APBB2: variants seen among roughly 807,000 people sequenced by gnomAD.
APBB2 encodes the protein Fe65-like 1.
APBB2 carries 38 observed loss-of-function variants against 82.5 expected under a neutral mutation model. The ratio of observed to expected loss-of-function variants is 0.46; its 90% CI spans 0.36 to 0.60. APBB2 has a LOEUF of 0.60. Ranked by LOEUF, APBB2 falls within the 20% of genes least tolerant of loss-of-function variation. The pLI is 0.00. For synonymous variants in APBB2, 341 were observed against 368.2 expected, an observed-to-expected ratio of 0.93 and a Z score of 0.85; for missense variants, 772 against 972.3, an observed-to-expected ratio of 0.79 and a Z score of 2.74.
At chr4:41,010,988 A>C (rs1400870903) in intron 6 of APBB2, among the ~76,000 whole-genome samples, 1 of 152,080 alleles carries the variant, frequency 6.6e-6, no homozygotes, top group Non-Finnish European at 1.5e-5. Flanking sequence ...TGGAGAAAAT[A>C]CCATACACAA....
At chr4:41,081,865 A>G (rs1402726470) in intron 3 of APBB2, among the ~76,000 whole-genome samples, 3 of 152,268 alleles carry the variant, frequency 2.0e-5, no homozygotes, top group Non-Finnish European at 4.4e-5. Context: ...TAAGGAAAGT[A>G]TAAATTGGTG....
intron 12 of APBB2, among the ~76,000 whole-genome samples, chr4:40,874,517 G>GC (rs1400134674): frequency 4.6e-5 from 7 of 152,040 alleles, no homozygotes; most frequent in African/African-American, 9.7e-5. Context: ...CGGGGGCAGG[G>GC]CGGGGGGTGG....
intron 3 of APBB2, among the ~76,000 whole-genome samples, chr4:41,076,301 G>A (rs1189424613): frequency 6.6e-6 from 1 of 152,168 alleles, no homozygotes; most frequent in Admixed American, 6.5e-5. Flanking sequence ...AAAACTGGGG[G>A]ATGGCTTGCA....
intron 6 of APBB2, among the ~76,000 whole-genome samples, chr4:40,992,199 G>A (rs1802305512): frequency 6.6e-6 from 1 of 152,100 alleles, no homozygotes; most frequent in African/African-American, 2.4e-5. Flanking sequence ...AAGAGACAGG[G>A]TCTCACTCTG....
chr4:41,189,843 T>C (rs1287550816), intron 1 of APBB2, among the ~76,000 whole-genome samples: 1 of 152,214 alleles, frequency 6.6e-6, no homozygotes, highest in Non-Finnish European at 1.5e-5. Context: ...TTCTCCACGA[T>C]AACACTTACT....
intron 6 of APBB2, among the ~76,000 whole-genome samples, chr4:40,984,109 G>A (rs777341236): frequency 1.7e-4 from 26 of 152,198 alleles, no homozygotes; most frequent in Non-Finnish European, 3.1e-4. Flanking sequence ...AACTACCTGT[G>A]CAAGGGATGG....
chr4:40,902,575 C>A (rs1273461907), intron 10 of APBB2, among the ~76,000 whole-genome samples: 1 of 152,066 alleles, frequency 6.6e-6, no homozygotes, highest in African/African-American at 2.4e-5. Context: ...ACTCTGTCAC[C>A]CAGGTTGGAG....
At chr4:40,995,826 G>A (rs10440197) in intron 6 of APBB2, among the ~76,000 whole-genome samples, 30,699 of 151,696 alleles carry the variant, frequency 0.2, 3,517 homozygotes, top group Non-Finnish European at 0.26. Context: ...GTGAGCCACC[G>A]TGCCAGCCCT....
chr4:40,880,375 C>T (rs1768130953), intron 12 of APBB2: 1 of 985,426 alleles, frequency 1.0e-6, no homozygotes, highest in Non-Finnish European at 1.2e-6. Context: ...AGGATGATGA[C>T]ATTTGAGTAA....
chr4:41,062,163 T>A lies in APBB2; in HGVS notation c.-51+3413A>T, dbSNP rs1467427660. On this transcript the variant is annotated intron_variant, in intron 4 of 17. Coordinates refer to ENST00000508593, the MANE Select transcript of APBB2 (RefSeq NM_004307.2). Reference sequence around the variant, plus strand: ...GAGGTTTCAACAAGCAAATCTTATTTATTTATTTATTTATTTATTTATTTA... The same window carrying A: ...GAGGTTTCAACAAGCAAATCTTATTAATTTATTTATTTATTTATTTATTTA... Among the ~76,000 whole-genome samples, 3 of 129,862 alleles carry A rather than the reference T, an allele frequency of 2.3e-5. No individual in the cohort carries two copies. In the South Asian group the frequency reaches 6.3e-4, roughly 27 times the overall value. 85.2% of individuals were successfully genotyped at this position (129,862 alleles called of 152,430 possible).
intron 6 of APBB2, among the ~76,000 whole-genome samples, chr4:40,975,815 TA>T (rs1797056528): frequency 6.6e-6 from 1 of 150,900 alleles, no homozygotes; most frequent in South Asian, 2.1e-4. Context: ...TTCCCCTATA[TA>T]AACCTCATTC....
At chr4:41,030,628 A>G (rs1039290106) in intron 5 of APBB2, among the ~76,000 whole-genome samples, 1 of 152,140 alleles carries the variant, frequency 6.6e-6, no homozygotes, top group African/African-American at 2.4e-5. Context: ...ACTTTCAAAG[A>G]TAATTTTTTT....
Position 40,861,925 on chromosome 4 carries a change from C to T in APBB2, c.1529+28439G>A, listed in dbSNP as rs1762856966. 2.0e-5 allele frequency among the ~76,000 whole-genome samples: 3 copies of T among 152,260 alleles called. No individual in the cohort carries two copies. In the South Asian group the frequency reaches 6.2e-4, roughly 32 times the overall value. On this transcript the variant is annotated intron_variant, in intron 12 of 17. Transcript: ENST00000508593. The stretch of plus-strand genomic sequence containing the variant: ...AACTGATCACCCAACTTTTAAAAGG[C>T]ATCTGACTTCCTAATTAGAATGAAA...
At chr4:41,019,288 A>G (rs1418391238) in intron 5 of APBB2, among the ~76,000 whole-genome samples, 1 of 152,228 alleles carries the variant, frequency 6.6e-6, no homozygotes. Context: ...AACACAAAAG[A>G]GTAACAGAAC....
At chr4:41,153,277 A>G (rs1762721545) in intron 1 of APBB2, among the ~76,000 whole-genome samples, 1 of 152,194 alleles carries the variant, frequency 6.6e-6, no homozygotes, top group Non-Finnish European at 1.5e-5. Flanking sequence ...TCAGAAATAC[A>G]TTAAAAAATG....
intron 4 of APBB2, among the ~76,000 whole-genome samples, chr4:41,044,532 T>G (rs1722682813): frequency 6.6e-6 from 1 of 152,210 alleles, no homozygotes; most frequent in Admixed American, 6.5e-5. Context: ...GAGGAGCTCA[T>G]GAGGAGCAAT....
At chr4:40,918,167 C>T (rs146648422) in intron 10 of APBB2, among the ~76,000 whole-genome samples, 1,868 of 152,318 alleles carry the variant, frequency 0.012, 40 homozygotes, top group African/African-American at 0.043. Flanking sequence ...ACCACTCTAT[C>T]ATAATTCTAT....
intron 10 of APBB2, 35 bp from the exon 11 acceptor site, chr4:40,893,446 CATGGTTTGGTCAATCATATCA>C (rs1772689777): frequency 6.3e-7 from 1 of 1,575,554 alleles, no homozygotes. Flanking sequence ...GAAGTCACTC[CATGGTTTGGTCAATCATATCA>C]GTTTACACTA....
chr4:41,035,858 G>A (rs949062584), intron 4 of APBB2, among the ~76,000 whole-genome samples: 1 of 152,116 alleles, frequency 6.6e-6, no homozygotes, highest in African/African-American at 2.4e-5. Context: ...AGTATTATCA[G>A]TAATCTAGAG....
Sources: allele counts gnomAD v4.1 joint callset (sites outside exome capture counted in the v4.1 genomes callset), GRCh38; gene constraint gnomAD v4.1.1; transcripts MANE v1.5; gene names NCBI Gene and HGNC (gene_info 2026-07-23, HGNC 2026-07-21).